Variants in DIP2A observed in about 807,000 individuals in gnomAD.
DIP2A encodes the protein disco-interacting protein 2 homolog A.
Under a neutral mutation model 177.4 loss-of-function variants are expected in DIP2A, and 85 were observed. The observed-to-expected ratio is 0.48, with a 90% confidence interval of 0.40 to 0.57. DIP2A has a LOEUF of 0.57. Ranked by LOEUF, DIP2A falls within the 20% of genes least tolerant of loss-of-function variation. The pLI is 0.00. For missense variants in DIP2A, 1,791 were observed against 2,100.2 expected, an observed-to-expected ratio of 0.85 and a Z score of 2.88; for synonymous variants, 886 against 881.8, an observed-to-expected ratio of 1.00 and a Z score of -0.08.
intron 3 of DIP2A, among the ~76,000 whole-genome samples, chr21:46,491,083 G>T (rs532013218): frequency 6.6e-6 from 1 of 152,272 alleles, no homozygotes; most frequent in African/African-American, 2.4e-5. Context: ...TTACTGCTAG[G>T]TGCAGGTGTT....
chr21:46,565,238 A>G (rs375128866), intron 35 of DIP2A, among the ~76,000 whole-genome samples: 7 of 152,160 alleles, frequency 4.6e-5, no homozygotes, highest in Non-Finnish European at 1.0e-4. Context: ...TAGCGGACGC[A>G]CACACACGCG....
At position 46,532,136 on chromosome 21, in the gene DIP2A, G is replaced by T. The variant is rs767352619; in HGVS notation, c.1204G>T (p.Val402Leu). ...LLKPGDRVAL[V>L]FPNSDPVMFM... ...CTTTGTCCTGTTGTAGGTGGCGCTCGTGTTTCCGAATAGTGACCCTGTGAT... is the reference window on the plus strand; with the variant it reads ...CTTTGTCCTGTTGTAGGTGGCGCTCTTGTTTCCGAATAGTGACCCTGTGAT... Residue 402 changes from valine (V) to leucine (L), a missense_variant, in exon 10 of 38, where the codon GTG becomes TTG. Val to Leu is a conservative substitution (Grantham distance 32, BLOSUM62 1). Coordinates refer to ENST00000417564, the MANE Select transcript of DIP2A (RefSeq NM_015151.4). 1 of 1,613,352 alleles carries T rather than the reference G, an allele frequency of 6.2e-7. No homozygotes were observed. The highest frequency in any genetic ancestry group is 2.2e-5 in the East Asian group (1 of 44,874).
intron 1 of DIP2A, among the ~76,000 whole-genome samples, chr21:46,475,117 A>G (rs1423369752): frequency 6.6e-6 from 1 of 152,202 alleles, no homozygotes; most frequent in Non-Finnish European, 1.5e-5. Context: ...GTTGAACAGA[A>G]GATGTGCAGC....
Position 46,551,866 on chromosome 21 carries a change from A to G in DIP2A, c.2992A>G (p.Thr998Ala), listed in dbSNP as rs1258800208. Residue 998 changes from threonine to alanine, a missense_variant, in exon 25 of 38, where the codon ACT (threonine) becomes GCT (alanine). Physicochemically the swap from Thr to Ala is moderately conservative, Grantham distance 58 (BLOSUM62 0). Transcript: ENST00000417564. ...ADVLQWRAHT[T>A]PDHPLFLLLN... Reference sequence around the variant, plus strand: ...CGTGCTGCAGTGGCGTGCCCACACCACTCCTGACCACCCGCTGTTCTTGCT... The same window carrying G: ...CGTGCTGCAGTGGCGTGCCCACACCGCTCCTGACCACCCGCTGTTCTTGCT... 1 of 1,610,436 alleles carries G rather than the reference A, an allele frequency of 6.2e-7. No homozygotes were observed. Among genetic ancestry groups the G allele is most frequent in the Non-Finnish European group, 8.5e-7 (1 of 1,178,612 alleles).
At chr21:46,497,372 T>TAAATAG (rs2057414937) in intron 4 of DIP2A, among the ~76,000 whole-genome samples, 1 of 152,216 alleles carries the variant, frequency 6.6e-6, no homozygotes, top group Non-Finnish European at 1.5e-5. Flanking sequence ...GCTATTTATG[T>TAAATAG]CTTTTAGTAA....
intron 7 of DIP2A, 144 bp downstream of exon 7, chr21:46,509,520 G>A: frequency 2.9e-6 from 3 of 1,040,884 alleles, no homozygotes; most frequent in Non-Finnish European, 3.8e-6. Flanking sequence ...GTGTAATGGT[G>A]AATTTAGAAT....
chr21:46,566,126 AAGGCTACC>A (rs377601330), intron 36 of DIP2A, among the ~76,000 whole-genome samples: 17 of 152,192 alleles, frequency 1.1e-4, no homozygotes, highest in African/African-American at 4.1e-4. Flanking sequence ...TGTTGGTGAT[AAGGCTACC>A]AGGCTTCTCC....
intron 1 of DIP2A, among the ~76,000 whole-genome samples, chr21:46,479,645 C>T (rs1601412401): frequency 6.6e-6 from 1 of 152,190 alleles, no homozygotes; most frequent in Admixed American, 6.5e-5. Flanking sequence ...CTCACCTCAG[C>T]CTCCCTAGTA....
chr21:46,476,104 G>C (rs1403878426), intron 1 of DIP2A, among the ~76,000 whole-genome samples: 2 of 151,720 alleles, frequency 1.3e-5, no homozygotes, highest in Non-Finnish European at 2.9e-5. Context: ...AAATTAGCCA[G>C]GCATGGTGGT....
chr21:46,465,815 AC>A (rs1348545347), intron 1 of DIP2A, among the ~76,000 whole-genome samples: 1 of 152,220 alleles, frequency 6.6e-6, no homozygotes, highest in Non-Finnish European at 1.5e-5. Flanking sequence ...CTTTTGCTGC[AC>A]AAAGAGGTAC....
chr21:46,545,296 C>T (rs1339876351), intron 19 of DIP2A, 23 bp downstream of exon 19: 1 of 1,580,110 alleles, frequency 6.3e-7, no homozygotes, highest in Non-Finnish European at 8.7e-7. Flanking sequence ...TCCTGACTTT[C>T]ATGTTGAAGT....
At chr21:46,481,783 G>C (rs886718825) in intron 1 of DIP2A, among the ~76,000 whole-genome samples, 1 of 152,202 alleles carries the variant, frequency 6.6e-6, no homozygotes, top group Non-Finnish European at 1.5e-5. Context: ...AGGTGCAGTG[G>C]CTCACACCTG....
At chr21:46,544,684 A>C (rs2059956249) in intron 18 of DIP2A, among the ~76,000 whole-genome samples, 1 of 152,170 alleles carries the variant, frequency 6.6e-6, no homozygotes, top group African/African-American at 2.4e-5. Flanking sequence ...ATTTGCATTT[A>C]AAATAAGGTT....
chr21:46,470,853 C>T (rs1273450349), intron 1 of DIP2A, among the ~76,000 whole-genome samples: 2 of 150,288 alleles, frequency 1.3e-5, no homozygotes, highest in Non-Finnish European at 2.9e-5. Flanking sequence ...CGCTTGAACC[C>T]AGGAGGCGGA....
intron 18 of DIP2A, 80 bp downstream of exon 18, chr21:46,541,975 A>C (rs1368587559): frequency 1.3e-6 from 2 of 1,569,132 alleles, no homozygotes; most frequent in Non-Finnish European, 8.7e-7. Context: ...TTTGAGACGG[A>C]GTCTTGCTTT....
intron 8 of DIP2A, 124 bp downstream of exon 8, chr21:46,511,738 G>A: frequency 9.3e-7 from 1 of 1,080,230 alleles, no homozygotes; most frequent in Non-Finnish European, 1.3e-6. Context: ...CAGATAAATA[G>A]AACATTGACC....
At chr21:46,478,337 C>G (rs555237937) in intron 1 of DIP2A, among the ~76,000 whole-genome samples, 1 of 151,972 alleles carries the variant, frequency 6.6e-6, no homozygotes, top group Non-Finnish European at 1.5e-5. Flanking sequence ...CTCAGCCTCC[C>G]GAGTAGCTGG....
At chr21:46,560,630 G>A (rs1347905101) in intron 32 of DIP2A, 92 bp from the exon 33 acceptor site, 5 of 1,513,714 alleles carry the variant, frequency 3.3e-6, no homozygotes, top group Non-Finnish European at 8.9e-7. Context: ...GTCCCCGGGG[G>A]CCAGGGAGGA....
chr21:46,537,770 G>C lies in DIP2A; in HGVS notation c.1801+231G>C, dbSNP rs1961009815. 6.6e-6 allele frequency among the ~76,000 whole-genome samples: 1 copy of C among 152,170 alleles called. No homozygotes were observed. The highest frequency in any genetic ancestry group is 1.5e-5 in the Non-Finnish European group (1 of 68,042). ...GATGTGGTAAGTAGGGCCACTTGGT[G>C]GGGTCTGGGCCTTACTTCTCTCAAC... On this transcript the variant is annotated intron_variant, in intron 15 of 37. Transcript: ENST00000417564. This position sits in a 1 kb window ranked among gnomAD's most constrained non-coding sequence, Gnocchi z 4.1.
Sources: gnomAD v4.1 joint callset for allele counts (sites outside exome capture counted in the v4.1 genomes callset) on GRCh38, gnomAD v4.1.1 for gene constraint, Gnocchi (gnomAD v3.1) non-coding constraint, MANE v1.5 for transcripts, NCBI Gene and HGNC (gene_info 2026-07-23, HGNC 2026-07-21) for gene names.